The following KCTD2 variants were observed in gnomAD, a reference collection of about 807,000 sequenced individuals.
KCTD2 encodes the protein BTB/POZ domain-containing protein KCTD2.
A neutral mutation model predicts 27.9 loss-of-function variants in KCTD2; 18 were observed. The ratio of observed to expected loss-of-function variants is 0.64; its 90% confidence interval spans 0.45 to 0.96. The LOEUF is 0.96. Ranked by LOEUF, KCTD2 falls within the 40% of genes least tolerant of loss-of-function variation. The probability of loss-of-function intolerance (pLI) is 0.00; values close to 1 mark genes in which losing one functional copy is unlikely to be tolerated. For synonymous variants in KCTD2, 175 were observed against 148.4 expected, an observed-to-expected ratio of 1.18 and a Z score of -1.30; for missense variants, 280 against 348.0, an observed-to-expected ratio of 0.80 and a Z score of 1.56.
intron 5 of KCTD2, among the ~76,000 whole-genome samples, chr17:75,062,689 C>G (rs575167162): frequency 3.4e-5 from 5 of 146,394 alleles, no homozygotes; most frequent in Non-Finnish European, 7.5e-5. Flanking sequence ...TGTGCACCCC[C>G]CTCACCCCCA....
chr17:75,050,144 T>G (rs1332623469), intron 2 of KCTD2, among the ~76,000 whole-genome samples: 1 of 152,236 alleles, frequency 6.6e-6, no homozygotes, highest in Non-Finnish European at 1.5e-5. Flanking sequence ...ATGGGAATAG[T>G]ACATACAGTG....
upstream of KCTD2, chr17:75,047,125 T>G: frequency 1.5e-4 from 38 of 250,082 alleles, no homozygotes; most frequent in Middle Eastern, 2.8e-3. Flanking sequence ...CGGGCGCTGG[T>G]TGGGGGCGCT....
intron 2 of KCTD2, chr17:75,035,130 G>A (rs960521611): frequency 2.6e-5 from 4 of 151,776 alleles, no homozygotes; most frequent in African/African-American, 4.8e-5. Context: ...TGGCCTAATG[G>A]ATAAGGCGTC....
At chr17:75,041,871 G>A (rs1216109137) in intron 3 of KCTD2, 7 of 237,304 alleles carry the variant, frequency 2.9e-5, no homozygotes, top group Admixed American at 5.5e-5. Context: ...TCCCAGGAGC[G>A]GGGGACCACC....
intron 3 of KCTD2, among the ~76,000 whole-genome samples, chr17:75,036,288 A>AT (rs1338782193): frequency 3.3e-5 from 5 of 151,918 alleles, no homozygotes; most frequent in African/African-American, 1.2e-4. Flanking sequence ...ACACTGGCTA[A>AT]TTTTTTGTAT....
chr17:75,042,688 C>T (rs2073173186), upstream of KCTD2: 4 of 1,582,416 alleles, frequency 2.5e-6, no homozygotes, highest in East Asian at 9.0e-5. Flanking sequence ...AAAAACAAGG[C>T]TTTTTTATGA....
chr17:75,039,581 G>A (rs1314556084), intron 3 of KCTD2: 1 of 350,978 alleles, frequency 2.8e-6, no homozygotes, highest in African/African-American at 2.1e-5. Flanking sequence ...CACGCCACCT[G>A]AGCACCTAGC....
At chr17:75,036,814 T>C (rs2073106191) in intron 3 of KCTD2, among the ~76,000 whole-genome samples, 2 of 152,356 alleles carry the variant, frequency 1.3e-5, no homozygotes, top group African/African-American at 2.4e-5. Flanking sequence ...GTGGTACTTC[T>C]GTTACGCACA....
In KCTD2 at chr17:75,063,770, C is replaced by T. The variant is rs1028002251; in HGVS notation, c.*723C>T. On this transcript the variant is annotated 3_prime_UTR_variant, in exon 6 of 6. Transcript: ENST00000322444. ...CCCTCTGGAGAGCTTGTTTTCCCTC[C>T]AAGAAGAGGTTTGAGACAGGCGGCA... The T allele has an allele frequency of 6.6e-6, 1 of 152,226 alleles. No individual in the cohort carries two copies. Among genetic ancestry groups the T allele is most frequent in the African/African-American group, 2.4e-5 (1 of 41,288 alleles). The allele number at this position is 152,226 out of a possible 1,614,324, so 9.4% of individuals were successfully genotyped here. A position where few individuals can be genotyped will look rare whatever the true frequency, so the allele number is the denominator to read the frequency against.
intron 3 of KCTD2, among the ~76,000 whole-genome samples, chr17:75,055,243 T>C (rs753470778): frequency 1.1e-4 from 17 of 151,768 alleles, no homozygotes; most frequent in Non-Finnish European, 2.5e-4. Context: ...TTAGTAGAGA[T>C]GGTGTTTCGC....
intron 3 of KCTD2, chr17:75,039,761 GAAC>G: frequency 3.1e-6 from 1 of 322,072 alleles, no homozygotes. Flanking sequence ...CATATTTAAA[GAAC>G]ACCATTTGAT....
chr17:75,055,406 T>G (rs1479068697), intron 3 of KCTD2, among the ~76,000 whole-genome samples: 4 of 151,868 alleles, frequency 2.6e-5, no homozygotes, highest in African/African-American at 9.7e-5. Context: ...CTATGTTAGA[T>G]TTCATATATC....
At chr17:75,062,297 C>G (rs567351443) in intron 5 of KCTD2, 52 bp downstream of exon 5, 8 of 1,556,068 alleles carry the variant, frequency 5.1e-6, no homozygotes, top group African/African-American at 2.8e-5. Context: ...GTTCGCACCC[C>G]CTCCGTGGGC....
At chr17:75,047,943 TC>T (rs1298849472) in intron 1 of KCTD2, among the ~76,000 whole-genome samples, 1 of 152,030 alleles carries the variant, frequency 6.6e-6, no homozygotes, top group Non-Finnish European at 1.5e-5. Flanking sequence ...TCCTCTTCAG[TC>T]CCCCCACTGC....
intron 4 of KCTD2, among the ~76,000 whole-genome samples, chr17:75,059,908 G>A (rs1265361580): frequency 3.9e-5 from 6 of 152,198 alleles, no homozygotes; most frequent in African/African-American, 4.8e-5. Context: ...CACAGGGATC[G>A]TAGAATGAGT....
chr17:75,035,243 C>G (rs534888807), exon 3 of KCTD2: 1 of 152,238 alleles, frequency 6.6e-6, no homozygotes, highest in African/African-American at 2.4e-5. Context: ...CCCAGAAACG[C>G]CTCCCAATCC....
In KCTD2 at chr17:75,047,322, G is replaced by C. The variant is rs1161327565; in HGVS notation, c.72G>C (p.Gly24=). 6.9e-6 allele frequency: 8 copies of C among 1,160,996 alleles called. No homozygotes were observed. The highest frequency in any genetic ancestry group is 4.1e-5 in the South Asian group (1 of 24,120). The allele number at this position is 1,160,996 out of a possible 1,614,324, so 71.9% of individuals were successfully genotyped here. A position where few individuals can be genotyped will look rare whatever the true frequency, so the allele number is the denominator to read the frequency against. The change falls in exon 1 of 6, where the codon GGG becomes GGC. Residue 24 remains glycine, a synonymous_variant. Coordinates refer to ENST00000322444, the MANE Select transcript of KCTD2 (RefSeq NM_015353.3). ...GGGGGSGVGD[G]GGPVRGPPSP... ...GCGGCGGGAGTGGGGTGGGCGACGG[G>C]GGTGGCCCAGTCCGCGGGCCCCCCA... is the stretch of plus-strand genomic sequence containing the variant.
chr17:75,040,149 C>G (rs750770837), intron 3 of KCTD2: 4 of 1,611,656 alleles, frequency 2.5e-6, no homozygotes, highest in Non-Finnish European at 3.4e-6. Context: ...GCACGGGAAC[C>G]TTCAGCGCAT....
At chr17:75,056,554 G>A (rs12103574) in intron 3 of KCTD2, among the ~76,000 whole-genome samples, 16,361 of 152,182 alleles carry the variant, frequency 0.11, 1,668 homozygotes, top group African/African-American at 0.27. Flanking sequence ...CTGAAGGCTT[G>A]TGGATTTATA....
Sources: gnomAD v4.1 joint callset for allele counts (sites outside exome capture counted in the v4.1 genomes callset) on GRCh38, gnomAD v4.1.1 for gene constraint, MANE v1.5 for transcripts, NCBI Gene and HGNC (gene_info 2026-07-23, HGNC 2026-07-21) for gene names.